Variants in EYS observed in about 807,000 individuals in gnomAD.
The protein encoded by EYS is EGF-like photoreceptor maintenance factor.
EYS carries 250 observed loss-of-function variants against 282.1 expected under a neutral mutation model. The observed-to-expected ratio is 0.89, with a 90% CI of 0.80 to 0.98. The LOEUF (loss-of-function observed/expected upper bound fraction) is 0.98. Among genes scored for constraint, EYS ranks in the 50% least tolerant of loss-of-function variants. EYS has a pLI of 0.00. For missense variants in EYS, 4,016 were observed against 3,709.0 expected, an observed-to-expected ratio of 1.08 and a Z score of -2.15; for synonymous variants, 1,355 against 1,282.9, an observed-to-expected ratio of 1.06 and a Z score of -1.20.
intron 22 of EYS, among the ~76,000 whole-genome samples, chr6:64,764,219 G>A (rs548107465): frequency 6.6e-6 from 1 of 152,328 alleles, no homozygotes; most frequent in African/African-American, 2.4e-5. Flanking sequence ...TTCTCCCTGA[G>A]GGCTCCGCTT....
chr6:64,821,967 A>G (rs1374324396), intron 20 of EYS, among the ~76,000 whole-genome samples: 1 of 152,056 alleles, frequency 6.6e-6, no homozygotes, highest in Non-Finnish European at 1.5e-5. Context: ...GTTTTAAAAG[A>G]TAAAAAGTAT....
intron 33 of EYS, among the ~76,000 whole-genome samples, chr6:64,039,253 A>G (rs1350369478): frequency 6.6e-6 from 1 of 152,232 alleles, no homozygotes; most frequent in Non-Finnish European, 1.5e-5. Flanking sequence ...TTTTTACTTT[A>G]GATAAGAATT....
intron 2 of EYS, among the ~76,000 whole-genome samples, chr6:65,598,630 T>C (rs746005302): frequency 6.6e-6 from 1 of 152,154 alleles, no homozygotes; most frequent in African/African-American, 2.4e-5. Flanking sequence ...ATATCTCAGC[T>C]GTTTCTCAGA....
chr6:65,083,800 T>C (rs1195613786), intron 12 of EYS, among the ~76,000 whole-genome samples: 2 of 151,726 alleles, frequency 1.3e-5, no homozygotes, highest in Admixed American at 1.3e-4. Context: ...TTTCATAATA[T>C]ACTTTTTTAT....
intron 35 of EYS, among the ~76,000 whole-genome samples, chr6:63,870,955 G>T (rs547605265): frequency 1.6e-4 from 25 of 152,188 alleles, no homozygotes; most frequent in Non-Finnish European, 3.5e-4. Context: ...TCGTTGTTCA[G>T]ATCTTTCCCA....
intron 34 of EYS, among the ~76,000 whole-genome samples, chr6:63,997,333 G>GT (rs2149800985): frequency 6.6e-6 from 1 of 152,284 alleles, no homozygotes; most frequent in South Asian, 2.1e-4. Flanking sequence ...GTAATATACC[G>GT]TAACTCTGGG....
intron 22 of EYS, among the ~76,000 whole-genome samples, chr6:64,692,956 G>A (rs72884542): frequency 0.019 from 1,826 of 96,870 alleles, 19 homozygotes; most frequent in Non-Finnish European, 0.027. Flanking sequence ...ATTTTGCTTG[G>A]GATTGGTTTG....
rs117552029 is a variant in EYS, at chr6:65,380,229, C to T, written c.1299+4157G>A. 3.1e-3 allele frequency among the ~76,000 whole-genome samples: 467 copies of T among 152,178 alleles called. 13 individuals are homozygous for T. The East Asian group carries it at 0.064, about 21-fold the overall frequency. On this transcript the variant is annotated intron_variant, in intron 8 of 42. Transcript: ENST00000503581. ...CCTAACTTCAAACTATACTGCAAGGCTACACAGTAACCAAAACAGCATGGT... is the reference window on the plus strand; with the variant it reads ...CCTAACTTCAAACTATACTGCAAGGTTACACAGTAACCAAAACAGCATGGT...
intron 11 of EYS, among the ~76,000 whole-genome samples, chr6:65,316,294 A>G (rs1470218971): frequency 6.6e-6 from 1 of 152,072 alleles, no homozygotes; most frequent in African/African-American, 2.4e-5. Context: ...TTTTGGTCCC[A>G]ATTTATCAAA....
intron 1 of EYS, among the ~76,000 whole-genome samples, chr6:65,646,140 A>G (rs1036241647): frequency 6.6e-6 from 1 of 152,122 alleles, no homozygotes. Flanking sequence ...ACTATTCCAC[A>G]AAGTAAAGAA....
intron 33 of EYS, among the ~76,000 whole-genome samples, chr6:64,063,004 C>A (rs1771231844): frequency 6.6e-6 from 1 of 152,176 alleles, no homozygotes; most frequent in African/African-American, 2.4e-5. Flanking sequence ...ATTCGATAAA[C>A]TTTGCCATTG....
At chr6:64,858,432 TCTATCCTGTTCCATTGGTTGA>T (rs1365894732) in intron 19 of EYS, among the ~76,000 whole-genome samples, 2 of 152,096 alleles carry the variant, frequency 1.3e-5, no homozygotes, top group Non-Finnish European at 2.9e-5. Context: ...TTTTGGGTTT[TCTATCCTGTTCCATTGGTTGA>T]TGTGTCTCTC....
intron 18 of EYS, among the ~76,000 whole-genome samples, chr6:64,896,406 A>G (rs966468915): frequency 2.6e-5 from 4 of 152,122 alleles, no homozygotes; most frequent in Admixed American, 1.3e-4. Flanking sequence ...TCTGGCACAG[A>G]TACTATGCTT....
chr6:64,066,421 A>G lies in EYS; in HGVS notation c.6642T>C (p.Tyr2214=), dbSNP rs1335465165. 3 of 1,549,932 alleles carry G rather than the reference A, an allele frequency of 1.9e-6. No individual in the cohort carries two copies. The highest frequency in any genetic ancestry group is 4.9e-5 in the East Asian group (2 of 40,898). The change falls in exon 33 of 43, where the codon TAT becomes TAC. Residue 2214 remains tyrosine, a synonymous_variant. Coordinates refer to ENST00000503581, the MANE Select transcript of EYS (RefSeq NM_001142800.2). The part of the protein sequence containing the change: ...FLVEGRPSVK[Y]GCGNSQNILT... ...AAATATTTTGAGAATTTCCACACCC[A>G]TATTTAACTGATGGCCTTCCTTCCA...
intron 31 of EYS, among the ~76,000 whole-genome samples, chr6:64,201,441 A>T (rs1278231984): frequency 6.6e-6 from 1 of 152,124 alleles, no homozygotes; most frequent in Non-Finnish European, 1.5e-5. Context: ...AATGTTTCTA[A>T]ACTCAAATGA....
chr6:65,572,916 C>A (rs1012863151), intron 2 of EYS, among the ~76,000 whole-genome samples: 3 of 152,086 alleles, frequency 2.0e-5, no homozygotes, highest in Non-Finnish European at 1.5e-5. Flanking sequence ...ACATTTTTCT[C>A]CAGGCAGCTT....
At chr6:64,650,221 T>C (rs1768509392) in intron 22 of EYS, among the ~76,000 whole-genome samples, 1 of 152,018 alleles carries the variant, frequency 6.6e-6, no homozygotes, top group Non-Finnish European at 1.5e-5. Context: ...AAGTTTTTAA[T>C]GCATCTATAA....
At chr6:64,125,154 G>GCGCGCGCGCGCTCTCTCTCTCTCTCTC (rs1773724746) in intron 31 of EYS, among the ~76,000 whole-genome samples, 10 of 145,256 alleles carry the variant, frequency 6.9e-5, no homozygotes, top group African/African-American at 2.3e-4. Flanking sequence ...CACACTCTCT[G>GCGCGCGCGCGCTCTCTCTCTCTCTCTC]TCTCTCTCTC....
chr6:64,341,463 G>A (rs1200940760), intron 29 of EYS, among the ~76,000 whole-genome samples: 2 of 151,734 alleles, frequency 1.3e-5, no homozygotes, highest in Non-Finnish European at 2.9e-5. Context: ...AAATACTCAT[G>A]TTCTCACTTA....
Sources: allele counts gnomAD v4.1 joint callset (sites outside exome capture counted in the v4.1 genomes callset), GRCh38; gene constraint gnomAD v4.1.1; transcripts MANE v1.5; gene names NCBI Gene and HGNC (gene_info 2026-07-23, HGNC 2026-07-21).